The following IFFO2 variants were observed in gnomAD, a reference collection of about 807,000 sequenced individuals.
IFFO2 encodes the protein intermediate filament family orphan 2.
Under a neutral mutation model 53.5 loss-of-function variants are expected in IFFO2, and 19 were observed. The observed-to-expected ratio is 0.36, with a 90% CI of 0.25 to 0.52. The LOEUF is 0.52. Ranked by LOEUF, IFFO2 falls within the 20% of genes least tolerant of loss-of-function variation. The pLI is 0.94. For synonymous variants in IFFO2, 303 were observed against 313.6 expected (o/e 0.97, Z 0.36); for missense variants, 570 against 727.4 (o/e 0.78, Z 2.49).
rs926276550 is a variant in IFFO2, at chr1:18,916,280, T to G, written c.1103+623A>C. On this transcript the variant is annotated intron_variant, in intron 5 of 8. Transcript: ENST00000455833. This position sits in a 1 kb window ranked among gnomAD's most constrained non-coding sequence, Gnocchi z 4.3. ...CTCCCACCGCTTTTTTGGAGGAAGC[T>G]TTCGAAGGAAAGGCAGGAGAATGGC... 6.6e-6 allele frequency among the ~76,000 whole-genome samples: 1 copy of G among 152,108 alleles called. No homozygotes were observed. The highest frequency in any genetic ancestry group is 1.5e-5 in the Non-Finnish European group (1 of 68,010).
chr1:18,910,367 G>A lies in IFFO2; in HGVS notation c.1423C>T (p.Arg475Trp), dbSNP rs371658394. Residue 475 changes from arginine (R) to tryptophan (W), a missense_variant, in exon 8 of 9, where the codon CGG (arginine) becomes TGG (tryptophan). Physicochemically the swap from Arg to Trp is moderately radical, Grantham distance 101 (BLOSUM62 -3). Coordinates refer to ENST00000455833, the MANE Select transcript of IFFO2 (RefSeq NM_001136265.2). ...GLDVQMETCR[R>W]LIKGSADRNS... ...CTGTCTGCGGAGCCTTTGATGAGCC[G>A]GCGGCAGGTCTCCATCTGCACGTCC... 2.2e-5 allele frequency: 36 copies of A among 1,612,864 alleles called. No individual in the cohort carries two copies. The highest frequency in any genetic ancestry group is 4.0e-5 in the African/African-American group (3 of 75,008).
At chr1:18,937,289 A>G (rs4912087) in intron 1 of IFFO2, among the ~76,000 whole-genome samples, 130,375 of 152,252 alleles carry the variant, frequency 0.86, 56,056 homozygotes, top group African/African-American at 0.91. Context: ...GGTCCTCACT[A>G]GCTGGGAAGG....
chr1:18,911,259 C>T (rs184263053), intron 7 of IFFO2, 125 bp downstream of exon 7: 10 of 445,420 alleles, frequency 2.2e-5, no homozygotes, highest in Admixed American at 8.6e-5. Flanking sequence ...TCCTGACTCC[C>T]GATCCTGCGC....
At chr1:18,951,391 A>G (rs1329341316) in intron 1 of IFFO2, among the ~76,000 whole-genome samples, 1 of 152,170 alleles carries the variant, frequency 6.6e-6, no homozygotes, top group Non-Finnish European at 1.5e-5. Context: ...CAGGAAAAAA[A>G]GAAACCTAGC....
rs1936452774 is a variant in IFFO2, at chr1:18,936,603, T to C, written c.666-15482A>G. Reference sequence around the variant, plus strand: ...TCCCAAGGCTATTTTGGAAACCTAATATGTACTTTGGGTCTCTCCACTGTT... The same window carrying C: ...TCCCAAGGCTATTTTGGAAACCTAACATGTACTTTGGGTCTCTCCACTGTT... On this transcript the variant is annotated intron_variant, in intron 1 of 8. Coordinates refer to ENST00000455833, the MANE Select transcript of IFFO2 (RefSeq NM_001136265.2). This position sits in a 1 kb window ranked among gnomAD's most constrained non-coding sequence, Gnocchi z 4.5. 6.6e-6 allele frequency among the ~76,000 whole-genome samples: 1 copy of C among 152,242 alleles called. No individual in the cohort carries two copies. The highest frequency in any genetic ancestry group is 1.5e-5 in the Non-Finnish European group (1 of 68,038).
chr1:18,915,982 G>A (rs35550742), intron 5 of IFFO2, among the ~76,000 whole-genome samples: 12,372 of 151,982 alleles, frequency 0.081, 668 homozygotes, highest in East Asian at 0.19. Context: ...AAAATTAGCC[G>A]GGCATCATGG....
rs887356090 is a variant in IFFO2, at chr1:18,908,458, G to A, written c.*103C>T. On this transcript the variant is annotated 3_prime_UTR_variant, in exon 9 of 9. Coordinates refer to ENST00000455833, the MANE Select transcript of IFFO2 (RefSeq NM_001136265.2). ...AGAAGGGAGGGCAGAGAAAGTCTGT[G>A]TGGTGTGGCTTCGAACCCCACTCCG... is the stretch of plus-strand genomic sequence containing the variant. The A allele has an allele frequency of 5.0e-5, 39 of 781,080 alleles. No homozygotes were observed. Among genetic ancestry groups the A allele is most frequent in the Non-Finnish European group, 7.9e-5 (36 of 453,808 alleles). 48.4% of individuals were successfully genotyped at this position (781,080 alleles called of 1,614,324 possible).
At position 18,906,721 on chromosome 1, in the gene IFFO2, G is replaced by A. The variant is rs1037583760; in HGVS notation, c.*1840C>T. ...TCTTCCAAAACCATTGTCCCTCCAA[G>A]TACCTGTCAAAGGGAACTGTTTGGC... On this transcript the variant is annotated 3_prime_UTR_variant, in exon 9 of 9. Transcript: ENST00000455833. The A allele has an allele frequency of 1.3e-5, 2 of 152,196 alleles. No individual in the cohort carries two copies. The highest frequency in any genetic ancestry group is 2.9e-5 in the Non-Finnish European group (2 of 68,042). The allele number at this position is 152,196 out of a possible 1,614,324, so 9.4% of individuals were successfully genotyped here. A position where few individuals can be genotyped will look rare whatever the true frequency, so the allele number is the denominator to read the frequency against.
At chr1:18,953,975 T>G (rs897935778) in intron 1 of IFFO2, among the ~76,000 whole-genome samples, 1 of 152,120 alleles carries the variant, frequency 6.6e-6, no homozygotes, top group African/African-American at 2.4e-5. Context: ...GCCCGGCCCA[T>G]CCCTCCCCAG....
At chr1:18,945,184 G>A (rs1224223615) in intron 1 of IFFO2, among the ~76,000 whole-genome samples, 1 of 152,074 alleles carries the variant, frequency 6.6e-6, no homozygotes, top group East Asian at 1.9e-4. Context: ...CCCTGAACTG[G>A]CTTGGGTACC....
At chr1:18,912,107 A>G (rs1167762311) in intron 5 of IFFO2, 24 bp from the exon 6 acceptor site, 1 of 1,551,236 alleles carries the variant, frequency 6.4e-7, no homozygotes, top group South Asian at 1.2e-5. Flanking sequence ...ACCAGAGGGC[A>G]TGACTGAACA....
In IFFO2 at chr1:18,919,354, G is replaced by A. The variant is rs57874122; in HGVS notation, c.822+324C>T. Among the ~76,000 whole-genome samples the A allele has an allele frequency of 0.07, 10,595 of 152,260 alleles. 948 individuals are homozygous for A. Among genetic ancestry groups the A allele is most frequent in the African/African-American group, 0.21 (8,674 of 41,512 alleles). Reference sequence around the variant, plus strand: ...AGACGCCCTGCTACGCCCAGACACCGAGGCCTGCCCTCATCAAGGCGAGCT... The same window carrying A: ...AGACGCCCTGCTACGCCCAGACACCAAGGCCTGCCCTCATCAAGGCGAGCT... On this transcript the variant is annotated intron_variant, in intron 3 of 8. Coordinates refer to ENST00000455833, the MANE Select transcript of IFFO2 (RefSeq NM_001136265.2). The surrounding 1 kb of genome is among the most constrained non-coding windows in gnomAD (Gnocchi z 4.9).
At chr1:18,932,690 G>A (rs566511949) in intron 1 of IFFO2, among the ~76,000 whole-genome samples, 13 of 152,364 alleles carry the variant, frequency 8.5e-5, no homozygotes, top group African/African-American at 2.9e-4. Context: ...CCTTTCTGCT[G>A]TCCTCCCTGC....
Position 18,943,474 on chromosome 1 carries a change from T to C in IFFO2, c.665+12194A>G, listed in dbSNP as rs1569862720. Among the ~76,000 whole-genome samples the C allele has an allele frequency of 3.3e-5, 5 of 152,318 alleles. No homozygotes were observed. In the South Asian group the frequency reaches 1.0e-3, roughly 32 times the overall value. On this transcript the variant is annotated intron_variant, in intron 1 of 8. Transcript: ENST00000455833. ...GACAAGGAGCCCTGGAAACATGGTC[T>C]TTATGGGGAATGAAAGATCAGCCTC... is the stretch of plus-strand genomic sequence containing the variant.
At position 18,928,306 on chromosome 1, in the gene IFFO2, G is replaced by A. The variant is rs531028197; in HGVS notation, c.666-7185C>T. On this transcript the variant is annotated intron_variant, in intron 1 of 8. Coordinates refer to ENST00000455833, the MANE Select transcript of IFFO2 (RefSeq NM_001136265.2). This position sits in a 1 kb window ranked among gnomAD's most constrained non-coding sequence, Gnocchi z 4.9. The stretch of plus-strand genomic sequence containing the variant: ...CTCGCAGACGTGCCCATCAGAGCCC[G>A]GCTGCCCAGCTGTACTCTCCAGCTC... Among the ~76,000 whole-genome samples the A allele has an allele frequency of 5.9e-5, 9 of 152,178 alleles. No homozygotes were observed. The highest frequency in any genetic ancestry group is 5.8e-4 in the East Asian group (3 of 5,196).
At position 18,947,975 on chromosome 1, in the gene IFFO2, G is replaced by A. The variant is rs910750979; in HGVS notation, c.665+7693C>T. On this transcript the variant is annotated intron_variant, in intron 1 of 8. Transcript: ENST00000455833. This position sits in a 1 kb window ranked among gnomAD's most constrained non-coding sequence, Gnocchi z 5.0. ...CTCCTGGGAGGAGCACTGACCTTGG[G>A]GTCCAGAGACCCAGACGGACTCGTG... is the stretch of plus-strand genomic sequence containing the variant. Among the ~76,000 whole-genome samples the A allele has an allele frequency of 2.0e-5, 3 of 152,148 alleles. No individual in the cohort carries two copies. Among genetic ancestry groups the A allele is most frequent in the Non-Finnish European group, 4.4e-5 (3 of 68,038 alleles).
chr1:18,931,476 C>T lies in IFFO2; in HGVS notation c.666-10355G>A, dbSNP rs193151991. Reference sequence around the variant, plus strand: ...ACCTCCTCCAGGGAGCTTTTCATGACTTCCCCAGAATAAGTCACTATGCCC... The same window carrying T: ...ACCTCCTCCAGGGAGCTTTTCATGATTTCCCCAGAATAAGTCACTATGCCC... On this transcript the variant is annotated intron_variant, in intron 1 of 8. Coordinates refer to ENST00000455833, the MANE Select transcript of IFFO2 (RefSeq NM_001136265.2). Among the ~76,000 whole-genome samples, 293 of 152,318 alleles carry T rather than the reference C, an allele frequency of 1.9e-3. 1 individual carries two copies. Among genetic ancestry groups the T allele is most frequent in the African/African-American group, 6.4e-3 (264 of 41,558 alleles).
At chr1:18,951,161 G>T (rs1936654978) in intron 1 of IFFO2, among the ~76,000 whole-genome samples, 2 of 152,244 alleles carry the variant, frequency 1.3e-5, no homozygotes, top group African/African-American at 4.8e-5. Flanking sequence ...TTTTTAAAAT[G>T]GAATACTTTT....
In IFFO2 at chr1:18,913,911, G is replaced by A. The variant is rs566420866; in HGVS notation, c.1104-1828C>T. ...AGTGGTGCGATCTCGGCTCACTGCA[G>A]GCTCCGCCCCCTGGGGTTCACGCCA... On this transcript the variant is annotated intron_variant, in intron 5 of 8. Coordinates refer to ENST00000455833, the MANE Select transcript of IFFO2 (RefSeq NM_001136265.2). 4.9e-3 allele frequency among the ~76,000 whole-genome samples: 744 copies of A among 152,268 alleles called. 3 individuals are homozygous for A. Among genetic ancestry groups the A allele is most frequent in the Non-Finnish European group, 6.4e-3 (436 of 67,992 alleles).
Sources: allele counts gnomAD v4.1 joint callset (sites outside exome capture counted in the v4.1 genomes callset), GRCh38; gene constraint gnomAD v4.1.1; non-coding constraint Gnocchi (gnomAD v3.1); transcripts MANE v1.5; gene names NCBI Gene and HGNC (gene_info 2026-07-23, HGNC 2026-07-21).